The following CDH13 variants were observed in gnomAD, a reference collection of about 807,000 sequenced individuals.
CDH13 encodes the protein cadherin 13, also known as cadherin-13.
CDH13 carries 24 observed loss-of-function variants against 63.8 expected under a neutral mutation model. The observed-to-expected ratio is 0.38, with a 90% CI of 0.27 to 0.53. The LOEUF is 0.53. Ranked by LOEUF, CDH13 falls within the 20% of genes least tolerant of loss-of-function variation. The probability of loss-of-function intolerance (pLI) is 0.85; values close to 1 mark genes in which losing one functional copy is unlikely to be tolerated. For synonymous variants in CDH13, 503 were observed against 355.3 expected, an observed-to-expected ratio of 1.42 and a Z score of -4.67; for missense variants, 1,049 against 903.1, an observed-to-expected ratio of 1.16 and a Z score of -2.07.
intron 1 of CDH13, among the ~76,000 whole-genome samples, chr16:82,694,185 C>G (rs1393908619): frequency 6.6e-6 from 1 of 152,172 alleles, no homozygotes; most frequent in African/African-American, 2.4e-5. Context: ...TATGTGACAA[C>G]TACCAGATAT....
chr16:83,330,826 A>G (rs2090466704), intron 5 of CDH13, among the ~76,000 whole-genome samples: 1 of 152,152 alleles, frequency 6.6e-6, no homozygotes, highest in Non-Finnish European at 1.5e-5. Context: ...TTAATTCTGA[A>G]TGAGTTTCAG....
chr16:83,435,835 C>T (rs900634852), intron 6 of CDH13, among the ~76,000 whole-genome samples: 5 of 152,188 alleles, frequency 3.3e-5, no homozygotes, highest in African/African-American at 1.2e-4. Context: ...GTCTGTCTCC[C>T]TCATTGTATT....
At chr16:82,781,807 G>A (rs1287530553) in intron 1 of CDH13, among the ~76,000 whole-genome samples, 1 of 152,172 alleles carries the variant, frequency 6.6e-6, no homozygotes, top group Non-Finnish European at 1.5e-5. Context: ...ATAAGTCGCA[G>A]TTCTGTCCTT....
At chr16:82,646,560 G>A (rs541015880) in intron 1 of CDH13, among the ~76,000 whole-genome samples, 81 of 152,322 alleles carry the variant, frequency 5.3e-4, no homozygotes, top group African/African-American at 1.9e-3. Context: ...GAAATGGGAA[G>A]TGATGGGAGG....
At chr16:82,630,597 T>G (rs1042706343) in intron 1 of CDH13, among the ~76,000 whole-genome samples, 1 of 152,210 alleles carries the variant, frequency 6.6e-6, no homozygotes, top group Admixed American at 6.5e-5. Context: ...AACTGCATTA[T>G]CTAAAAGCAT....
At chr16:82,895,461 A>T (rs2041221525) in intron 2 of CDH13, among the ~76,000 whole-genome samples, 1 of 152,164 alleles carries the variant, frequency 6.6e-6, no homozygotes, top group Non-Finnish European at 1.5e-5. Flanking sequence ...GTAAAGGCCC[A>T]GACTCACTGG....
chr16:83,601,256 A>G, intron 7 of CDH13, among the ~76,000 whole-genome samples: 1 of 152,152 alleles, frequency 6.6e-6, no homozygotes, highest in Non-Finnish European at 1.5e-5. Flanking sequence ...TTGTGGACCA[A>G]TTCAAGCAGA....
chr16:83,167,398 G>C (rs1374416938), intron 4 of CDH13, among the ~76,000 whole-genome samples: 1 of 150,944 alleles, frequency 6.6e-6, no homozygotes, highest in Non-Finnish European at 1.5e-5. Context: ...TCACTAGGCT[G>C]AGGCAGGAGA....
chr16:83,061,712 G>C (rs971674017), intron 3 of CDH13, among the ~76,000 whole-genome samples: 5 of 152,160 alleles, frequency 3.3e-5, no homozygotes, highest in Non-Finnish European at 1.5e-5. Context: ...GAGCTAAAAA[G>C]TATAGTGATA....
At chr16:82,794,566 C>G (rs529043792) in intron 1 of CDH13, among the ~76,000 whole-genome samples, 7 of 151,856 alleles carry the variant, frequency 4.6e-5, no homozygotes, top group Non-Finnish European at 1.0e-4. Flanking sequence ...CCATGTAATA[C>G]CCCGCACATT....
At chr16:83,777,169 T>C (rs1041615138) in intron 11 of CDH13, among the ~76,000 whole-genome samples, 6 of 152,210 alleles carry the variant, frequency 3.9e-5, no homozygotes, top group African/African-American at 1.4e-4. Context: ...ACATTTCCTA[T>C]CAATCCAATC....
At chr16:83,438,959 A>G (rs1413310735) in intron 6 of CDH13, among the ~76,000 whole-genome samples, 1 of 152,214 alleles carries the variant, frequency 6.6e-6, no homozygotes, top group Admixed American at 6.5e-5. Flanking sequence ...GCATATCCTC[A>G]TCACTAGCTT....
intron 5 of CDH13, among the ~76,000 whole-genome samples, chr16:83,244,236 C>T (rs1048527222): frequency 1.3e-5 from 2 of 152,026 alleles, no homozygotes; most frequent in Non-Finnish European, 2.9e-5. Flanking sequence ...GCTGAGACTG[C>T]ACACTTTAAA....
Position 83,032,050 on chromosome 16 carries a change from T to C in CDH13, c.198T>C (p.Tyr66=), listed in dbSNP as rs753461003. ...GTAAGGGAAACGACAAGCTACGCTA[T>C]GAGGTCTCGAGCCCATACTTCAAGG... ...SDCKGNDKLR[Y]EVSSPYFKVN... is the part of the protein sequence containing the mutation. The change falls in exon 3 of 14, where the codon TAT becomes TAC. Residue 66 remains tyrosine (Y), a synonymous_variant. Coordinates refer to ENST00000567109, the MANE Select transcript of CDH13 (RefSeq NM_001257.5). The C allele has an allele frequency of 6.2e-7, 1 of 1,607,898 alleles. No homozygotes were observed. Among genetic ancestry groups the C allele is most frequent in the Non-Finnish European group, 8.5e-7 (1 of 1,177,402 alleles).
chr16:83,518,975 G>A (rs952668232), intron 7 of CDH13, among the ~76,000 whole-genome samples: 6 of 152,070 alleles, frequency 3.9e-5, no homozygotes, highest in African/African-American at 1.4e-4. Context: ...GCTTGAGAAC[G>A]GACTAATATA....
At chr16:82,649,601 T>C (rs1356404468) in intron 1 of CDH13, among the ~76,000 whole-genome samples, 1 of 152,012 alleles carries the variant, frequency 6.6e-6, no homozygotes, top group African/African-American at 2.4e-5. Context: ...GTGAAATGGC[T>C]AGTCAGAGCA....
chr16:83,219,498 G>T (rs1304033765), intron 5 of CDH13, among the ~76,000 whole-genome samples: 1 of 152,126 alleles, frequency 6.6e-6, no homozygotes, highest in Non-Finnish European at 1.5e-5. Context: ...ATTTCATAAG[G>T]ATTAAATGAG....
intron 6 of CDH13, among the ~76,000 whole-genome samples, chr16:83,357,002 A>G (rs2091069701): frequency 6.6e-6 from 1 of 152,150 alleles, no homozygotes; most frequent in Non-Finnish European, 1.5e-5. Context: ...GTGTGTCACC[A>G]TCTTTATCTC....
At chr16:82,730,078 A>T (rs1048376799) in intron 1 of CDH13, among the ~76,000 whole-genome samples, 3 of 152,164 alleles carry the variant, frequency 2.0e-5, no homozygotes, top group Admixed American at 2.0e-4. Context: ...TTGATCTTCT[A>T]TTCAGACCAC....
Sources: allele counts gnomAD v4.1 joint callset (sites outside exome capture counted in the v4.1 genomes callset), GRCh38; gene constraint gnomAD v4.1.1; transcripts MANE v1.5; gene names NCBI Gene and HGNC (gene_info 2026-07-23, HGNC 2026-07-21).